The following VPS13B variants were observed in gnomAD, a reference collection of about 807,000 sequenced individuals.
VPS13B encodes the protein vacuolar protein sorting 13 homolog B.
A neutral mutation model predicts 426.4 loss-of-function variants in VPS13B; 285 were observed. The observed-to-expected ratio is 0.67, with a 90% confidence interval of 0.61 to 0.74. VPS13B has a LOEUF of 0.74. VPS13B is among the 30% of genes least tolerant of loss of function. The probability of loss-of-function intolerance (pLI) is 0.00; values close to 1 mark genes in which losing one functional copy is unlikely to be tolerated. For synonymous variants in VPS13B, 1,676 were observed against 1,676.4 expected (o/e 1.00, Z 0.01); for missense variants, 4,537 against 4,782.6 (o/e 0.95, Z 1.51).
rs1186402380 is a variant in VPS13B, at chr8:99,351,429, A to T, written c.2825-32779A>T. Among the ~76,000 whole-genome samples the T allele has an allele frequency of 1.5e-3, 213 of 145,486 alleles. 1 individual carries two copies. Among genetic ancestry groups the T allele is most frequent in the African/African-American group, 5.2e-3 (187 of 36,070 alleles). ...TTTTCTCCTTCCTCAAGAGAGAGAGAGAGAGAGTGTGTGTGTGTGTGTGTG... is the reference window on the plus strand; with the variant it reads ...TTTTCTCCTTCCTCAAGAGAGAGAGTGAGAGAGTGTGTGTGTGTGTGTGTG... On this transcript the variant is annotated intron_variant, in intron 19 of 61. Coordinates refer to ENST00000357162, the MANE Select transcript of VPS13B (RefSeq NM_152564.5).
chr8:99,725,053 A>C (rs1833284073), intron 39 of VPS13B, among the ~76,000 whole-genome samples: 1 of 152,160 alleles, frequency 6.6e-6, no homozygotes, highest in Non-Finnish European at 1.5e-5. Flanking sequence ...CCCACACTTC[A>C]GAAGAGCTAA....
chr8:99,256,469 C>T (rs532456842), intron 17 of VPS13B, among the ~76,000 whole-genome samples: 23 of 152,202 alleles, frequency 1.5e-4, no homozygotes, highest in African/African-American at 2.9e-4. Flanking sequence ...TGAGGAATCG[C>T]GATACTGTTT....
chr8:99,051,488 G>T (rs1356450113), intron 3 of VPS13B, among the ~76,000 whole-genome samples: 2 of 151,652 alleles, frequency 1.3e-5, no homozygotes, highest in Non-Finnish European at 2.9e-5. Context: ...TGTTCTTTTG[G>T]CTTAGGATTG....
At chr8:99,452,296 G>A (rs1462192156) in intron 23 of VPS13B, among the ~76,000 whole-genome samples, 1 of 152,090 alleles carries the variant, frequency 6.6e-6, no homozygotes, top group Non-Finnish European at 1.5e-5. Flanking sequence ...AGGCTTCAGG[G>A]CATTTCATTT....
chr8:99,859,442 C>T lies in VPS13B; in HGVS notation c.11006C>T (p.Ser3669Phe). Residue 3669 changes from serine (S) to phenylalanine (F), a missense_variant, in exon 57 of 62, where the codon TCC (serine) becomes TTC (phenylalanine). Around this residue, in one of 2 missense-constraint regions of VPS13B, gnomAD observed 4,311 missense variants for 4,474.3 expected, o/e 0.96. Coordinates refer to ENST00000357162, the MANE Select transcript of VPS13B (RefSeq NM_152564.5). The stretch of plus-strand genomic sequence containing the variant: ...CCTGGAGCCTTCGTGAGTGGCGTCT[C>T]CAGAGGGACCACATCGTTTGTAAAG... ...RGPGAFVSGV[S>F]RGTTSFVKHI... 1.9e-6 allele frequency: 3 copies of T among 1,614,050 alleles called. No homozygotes were observed. The highest frequency in any genetic ancestry group is 2.5e-6 in the Non-Finnish European group (3 of 1,180,026).
chr8:99,446,397 T>C (rs1817923172), intron 23 of VPS13B, among the ~76,000 whole-genome samples: 1 of 152,172 alleles, frequency 6.6e-6, no homozygotes, highest in South Asian at 2.1e-4. Context: ...GTCCTTTTCC[T>C]CTGGGTTCTT....
At chr8:99,729,512 G>T (rs747729210) in intron 39 of VPS13B, among the ~76,000 whole-genome samples, 1 of 152,176 alleles carries the variant, frequency 6.6e-6, no homozygotes, top group Non-Finnish European at 1.5e-5. Flanking sequence ...TCTCCAGTGT[G>T]CTTAAGATCA....
chr8:99,556,553 C>A lies in VPS13B; in HGVS notation c.4849C>A (p.His1617Asn). ...QSINIGTAQWHQLKPEKESVS... is the reference protein window; with the variant it reads ...QSINIGTAQWNQLKPEKESVS... ...CATCAATATTGGTACTGCACAGTGG[C>A]ATCAACTAAAACCAGAGAAGGAAAG... Residue 1617 changes from histidine to asparagine, a missense_variant, in exon 31 of 62, where the codon CAT becomes AAT. His to Asn is a moderately conservative substitution (Grantham distance 68, BLOSUM62 1). Transcript: ENST00000357162. 1.9e-6 allele frequency: 3 copies of A among 1,613,282 alleles called. No homozygotes were observed. Among genetic ancestry groups the A allele is most frequent in the Non-Finnish European group, 2.5e-6 (3 of 1,179,560 alleles).
At chr8:99,301,321 T>A (rs1459333216) in intron 19 of VPS13B, among the ~76,000 whole-genome samples, 1 of 151,806 alleles carries the variant, frequency 6.6e-6, no homozygotes, top group Non-Finnish European at 1.5e-5. Context: ...TTGACTGAGT[T>A]TTGCTCTTGT....
chr8:99,625,844 A>G (rs997143816), intron 33 of VPS13B, among the ~76,000 whole-genome samples: 3 of 152,122 alleles, frequency 2.0e-5, no homozygotes, highest in Admixed American at 1.3e-4. Flanking sequence ...AGTTCCTTAA[A>G]ACAACAATAA....
At chr8:99,071,575 G>T (rs571996332) in intron 3 of VPS13B, among the ~76,000 whole-genome samples, 19 of 152,142 alleles carry the variant, frequency 1.2e-4, no homozygotes, top group Non-Finnish European at 2.1e-4. Context: ...CCACTGTGTG[G>T]CTACTGTTGT....
chr8:99,156,992 T>C (rs1318351325), intron 15 of VPS13B, among the ~76,000 whole-genome samples: 2 of 152,336 alleles, frequency 1.3e-5, no homozygotes, highest in Middle Eastern at 3.4e-3. Context: ...TCATAACTTT[T>C]GAATAATTTT....
chr8:99,076,425 G>T (rs907182230), intron 3 of VPS13B, among the ~76,000 whole-genome samples: 32 of 152,208 alleles, frequency 2.1e-4, no homozygotes, highest in African/African-American at 7.2e-4. Flanking sequence ...TTTCCATGTG[G>T]ATGATATGTC....
chr8:99,495,878 A>G (rs1236615585), intron 25 of VPS13B, among the ~76,000 whole-genome samples: 4 of 152,164 alleles, frequency 2.6e-5, no homozygotes, highest in Non-Finnish European at 4.4e-5. Flanking sequence ...TTGATTGATG[A>G]AAAGGCGGTT....
At chr8:99,745,204 A>T (rs571890159) in intron 39 of VPS13B, among the ~76,000 whole-genome samples, 1 of 152,250 alleles carries the variant, frequency 6.6e-6, no homozygotes, top group African/African-American at 2.4e-5. Flanking sequence ...AGTGATTTGT[A>T]AACTGATCTT....
Position 99,875,430 on chromosome 8 carries a change from C to A in VPS13B, c.11758C>A (p.Arg3920=). 6.2e-7 allele frequency: 1 copy of A among 1,614,048 alleles called. No individual in the cohort carries two copies. Among genetic ancestry groups the A allele is most frequent in the Non-Finnish European group, 8.5e-7 (1 of 1,180,020 alleles). Residue 3920 remains arginine (R), a synonymous_variant, in exon 62 of 62, where the codon CGA becomes AGA. Coordinates refer to ENST00000357162, the MANE Select transcript of VPS13B (RefSeq NM_152564.5). ...VACDVEVDGV[R]ERLSEQQYNR... ...TTTTGGATCCTAGGTAGATGGAGTC[C>A]GAGAGAGACTGTCAGAGCAACAGTA...
intron 39 of VPS13B, among the ~76,000 whole-genome samples, chr8:99,759,037 C>A (rs1021055747): frequency 1.3e-5 from 2 of 151,866 alleles, no homozygotes; most frequent in Admixed American, 1.3e-4. Flanking sequence ...TAATTATATT[C>A]TCCTCATCCC....
At chr8:99,637,544 C>T (rs999385533) in intron 33 of VPS13B, among the ~76,000 whole-genome samples, 1 of 152,068 alleles carries the variant, frequency 6.6e-6, no homozygotes, top group African/African-American at 2.4e-5. Context: ...TGTTCAGTAA[C>T]CTTTGTGACC....
chr8:99,544,234 G>A (rs374650284), intron 30 of VPS13B, among the ~76,000 whole-genome samples: 4 of 152,002 alleles, frequency 2.6e-5, no homozygotes, highest in South Asian at 2.1e-4. Context: ...AACACCGCAT[G>A]TTCTCACTCA....
Sources: allele counts gnomAD v4.1 joint callset (sites outside exome capture counted in the v4.1 genomes callset), GRCh38; gene constraint gnomAD v4.1.1; regional missense constraint gnomAD v4.1.1; transcripts MANE v1.5; gene names NCBI Gene and HGNC (gene_info 2026-07-23, HGNC 2026-07-21).